GRM3: variants seen among roughly 807,000 people sequenced by gnomAD.
GRM3 encodes metabotropic glutamate receptor 3.
GRM3 carries 26 observed loss-of-function variants against 70.5 expected under a neutral mutation model. The observed-to-expected ratio is 0.37, with a 90% CI of 0.27 to 0.51. The LOEUF (loss-of-function observed/expected upper bound fraction) is 0.51, where lower values mean the gene tolerates loss of function less well. Among genes scored for constraint, GRM3 ranks in the 20% least tolerant of loss-of-function variants. The pLI is 0.93. For synonymous variants in GRM3, 443 were observed against 434.9 expected (o/e 1.02, Z -0.23); for missense variants, 859 against 1,123.8 (o/e 0.76, Z 3.37).
intron 1 of GRM3, among the ~76,000 whole-genome samples, chr7:86,748,653 T>TA (rs1390779472): frequency 6.6e-6 from 1 of 152,042 alleles, no homozygotes; most frequent in African/African-American, 2.4e-5. Flanking sequence ...TACTCATATT[T>TA]TAAAAACAAA....
At chr7:86,862,269 C>T (rs763901925) in intron 5 of GRM3, among the ~76,000 whole-genome samples, 14 of 152,152 alleles carry the variant, frequency 9.2e-5, no homozygotes, top group Non-Finnish European at 1.6e-4. Flanking sequence ...GAGTGCTCTC[C>T]TAGGTTTCCA....
intron 3 of GRM3, chr7:86,832,996 G>C: frequency 2.0e-6 from 2 of 983,370 alleles, no homozygotes; most frequent in Non-Finnish European, 2.4e-6. Flanking sequence ...CCATCTTCCT[G>C]GTTGTTCTTT....
intron 2 of GRM3, among the ~76,000 whole-genome samples, chr7:86,771,743 A>T (rs1185097904): frequency 6.6e-6 from 1 of 152,056 alleles, no homozygotes; most frequent in Non-Finnish European, 1.5e-5. Flanking sequence ...AATTGGCAAC[A>T]TAAGTACAGG....
chr7:86,696,463 G>A (rs1794819588), intron 1 of GRM3, among the ~76,000 whole-genome samples: 1 of 152,140 alleles, frequency 6.6e-6, no homozygotes, highest in Non-Finnish European at 1.5e-5. Flanking sequence ...CCAAAAAAGA[G>A]GATAGCCCTG....
chr7:86,861,987 C>G lies in GRM3; in HGVS notation c.2567-2295C>G, dbSNP rs543310398. Reference sequence around the variant, plus strand: ...CAAAGAGAACTGGTTAGACGTAAATCTAGAGGTGAGTGAAACTGATGATAG... The same window carrying G: ...CAAAGAGAACTGGTTAGACGTAAATGTAGAGGTGAGTGAAACTGATGATAG... On this transcript the variant is annotated intron_variant, in intron 5 of 5. Transcript: ENST00000361669. 7.0e-4 allele frequency among the ~76,000 whole-genome samples: 106 copies of G among 152,252 alleles called. 1 individual carries two copies. The highest frequency in any genetic ancestry group is 2.4e-3 in the African/African-American group (98 of 41,530).
chr7:86,689,887 G>A (rs1694907523), intron 1 of GRM3, among the ~76,000 whole-genome samples: 1 of 151,942 alleles, frequency 6.6e-6, no homozygotes, highest in Non-Finnish European at 1.5e-5. Context: ...GTAAATTTTT[G>A]CTTATAAATA....
chr7:86,644,909 G>C, intron 1 of GRM3, 37 bp downstream of exon 1: 1 of 1,202,404 alleles, frequency 8.3e-7, no homozygotes. Flanking sequence ...CCTCTGGAGG[G>C]CGCCCAGCCA....
intron 1 of GRM3, among the ~76,000 whole-genome samples, chr7:86,679,461 G>T (rs989356989): frequency 7.2e-5 from 11 of 151,922 alleles, no homozygotes; most frequent in African/African-American, 2.4e-4. Flanking sequence ...AAATCGTTCT[G>T]GGTGATCACA....
chr7:86,697,744 A>G (rs1794851525), intron 1 of GRM3, among the ~76,000 whole-genome samples: 1 of 152,062 alleles, frequency 6.6e-6, no homozygotes. Context: ...TTCACAGACT[A>G]TTTACGGTGT....
chr7:86,711,226 G>A (rs1156731743), intron 1 of GRM3, among the ~76,000 whole-genome samples: 1 of 151,618 alleles, frequency 6.6e-6, no homozygotes, highest in Non-Finnish European at 1.5e-5. Context: ...GGGTACATTT[G>A]TGATAGAACA....
chr7:86,853,069 G>A (rs751558777), intron 5 of GRM3, among the ~76,000 whole-genome samples: 114 of 152,158 alleles, frequency 7.5e-4, no homozygotes, highest in Middle Eastern at 3.4e-3. Context: ...CGAATAGGAC[G>A]GAATCCCTGG....
intron 1 of GRM3, among the ~76,000 whole-genome samples, chr7:86,688,986 T>G (rs1794633252): frequency 6.7e-6 from 1 of 148,188 alleles, no homozygotes; most frequent in South Asian, 2.1e-4. Flanking sequence ...ATATATTAAT[T>G]TATTATATAT....
chr7:86,707,787 C>G (rs972781021), intron 1 of GRM3, among the ~76,000 whole-genome samples: 12 of 152,092 alleles, frequency 7.9e-5, no homozygotes, highest in East Asian at 3.9e-4. Flanking sequence ...CTTTTATCAT[C>G]TCTCTTAATC....
intron 1 of GRM3, among the ~76,000 whole-genome samples, chr7:86,733,621 G>A (rs1795789119): frequency 6.6e-6 from 1 of 152,154 alleles, no homozygotes; most frequent in African/African-American, 2.4e-5. Context: ...CAGGGAAAAA[G>A]GTTTTTGATG....
At chr7:86,680,258 T>A (rs982774735) in intron 1 of GRM3, among the ~76,000 whole-genome samples, 1 of 152,144 alleles carries the variant, frequency 6.6e-6, no homozygotes, top group Non-Finnish European at 1.5e-5. Context: ...ACTACTAAAA[T>A]TGGAATAACA....
At chr7:86,733,685 G>T (rs1415199139) in intron 1 of GRM3, among the ~76,000 whole-genome samples, 1 of 152,170 alleles carries the variant, frequency 6.6e-6, no homozygotes, top group Non-Finnish European at 1.5e-5. Context: ...AGATCTGGGG[G>T]GAGTTGGTGG....
chr7:86,829,351 T>C (rs1798304531), intron 3 of GRM3, among the ~76,000 whole-genome samples: 1 of 152,218 alleles, frequency 6.6e-6, no homozygotes, highest in Admixed American at 6.5e-5. Context: ...TTCACTTTCT[T>C]ACCATTTGTG....
intron 1 of GRM3, among the ~76,000 whole-genome samples, chr7:86,706,312 T>A (rs1403113677): frequency 6.6e-6 from 1 of 152,028 alleles, no homozygotes; most frequent in Non-Finnish European, 1.5e-5. Context: ...AAAGCTATAT[T>A]GAGAATTTCC....
intron 1 of GRM3, among the ~76,000 whole-genome samples, chr7:86,725,774 C>G (rs1230987976): frequency 6.6e-6 from 1 of 152,072 alleles, no homozygotes; most frequent in Non-Finnish European, 1.5e-5. Flanking sequence ...CTTCTGAAGA[C>G]TGGGGAGTCC....
Sources: gnomAD v4.1 joint callset for allele counts (sites outside exome capture counted in the v4.1 genomes callset) on GRCh38, gnomAD v4.1.1 for gene constraint, MANE v1.5 for transcripts, NCBI Gene and HGNC (gene_info 2026-07-23, HGNC 2026-07-21) for gene names.